Variants in ZFAT observed in about 807,000 individuals in gnomAD.
ZFAT encodes the protein zinc finger protein ZFAT.
In ZFAT, 64 loss-of-function variants were observed where a neutral mutation model predicts 117.7. The observed-to-expected ratio is 0.54, with a 90% CI of 0.44 to 0.67. The LOEUF is 0.67. ZFAT is among the 30% of genes least tolerant of loss of function. The probability of loss-of-function intolerance (pLI) is 0.00; values close to 1 mark genes in which losing one functional copy is unlikely to be tolerated. For missense variants in ZFAT, 1,433 were observed against 1,584.5 expected (o/e 0.90, Z 1.62); for synonymous variants, 679 against 615.0 (o/e 1.10, Z -1.54).
At chr8:134,552,284 A>G (rs1823224233) in intron 11 of ZFAT, among the ~76,000 whole-genome samples, 1 of 152,222 alleles carries the variant, frequency 6.6e-6, no homozygotes, top group Non-Finnish European at 1.5e-5. Flanking sequence ...TAAACATTTC[A>G]TATGCTTTGC....
At chr8:134,526,819 C>T (rs368839729) in intron 12 of ZFAT, among the ~76,000 whole-genome samples, 52 of 148,470 alleles carry the variant, frequency 3.5e-4, no homozygotes, top group Non-Finnish European at 4.9e-4. Context: ...GGTGAAGATG[C>T]TAAAGTTCAT....
At chr8:134,736,010 T>C in the ZFAT span, among the ~76,000 whole-genome samples, 2 of 151,992 alleles carry the variant, frequency 1.3e-5, no homozygotes, top group African/African-American at 2.4e-5. Flanking sequence ...GCAGGCAAGG[T>C]TAAGGCCCAG....
the ZFAT span, among the ~76,000 whole-genome samples, chr8:134,722,360 C>T: frequency 3.9e-5 from 6 of 152,298 alleles, no homozygotes; most frequent in East Asian, 3.9e-4. Context: ...TTTGCCCTAT[C>T]GCATTCAAGG....
chr8:134,681,962 A>G (rs929595520), intron 1 of ZFAT, among the ~76,000 whole-genome samples: 1 of 152,246 alleles, frequency 6.6e-6, no homozygotes, highest in Non-Finnish European at 1.5e-5. Context: ...GGTTAGAACA[A>G]ACATTTTCCT....
intron 14 of ZFAT, chr8:134,510,245 A>G (rs907615050): frequency 2.3e-6 from 1 of 433,966 alleles, no homozygotes; most frequent in Non-Finnish European, 4.7e-6. Context: ...CTCCAAACCA[A>G]TTGAAGCTGG....
intron 2 of ZFAT, among the ~76,000 whole-genome samples, chr8:134,645,119 C>G (rs1232554717): frequency 6.6e-6 from 1 of 152,210 alleles, no homozygotes; most frequent in Non-Finnish European, 1.5e-5. Context: ...CTGCAGACCA[C>G]TTCCTACATG....
At position 134,712,829 on chromosome 8, in the gene ZFAT, C is replaced by G. The variant is rs2131375858; in HGVS notation, c.19+16G>C. ...CACCCCCACCCCGTCTCACCCCAAC[C>G]CCCAGCCCGGCTCACCTGCCGCCCG... On this transcript the variant is annotated intron_variant, in intron 1 of 15. Transcript: ENST00000377838. 1 of 1,503,470 alleles carries G rather than the reference C, an allele frequency of 6.7e-7. No individual in the cohort carries two copies. Among genetic ancestry groups the G allele is most frequent in the African/African-American group, 1.5e-5 (1 of 68,912 alleles). 93.1% of individuals were successfully genotyped at this position (1,503,470 alleles called of 1,614,324 possible). A position where few individuals can be genotyped will look rare whatever the true frequency, so the allele number is the denominator to read the frequency against.
intron 11 of ZFAT, chr8:134,565,001 G>A: frequency 7.8e-7 from 1 of 1,280,064 alleles, no homozygotes; most frequent in Non-Finnish European, 1.0e-6. Context: ...AGCAATCCAG[G>A]ATCTGAAAGC....
At chr8:134,748,089 C>G in the ZFAT span, among the ~76,000 whole-genome samples, 1 of 152,278 alleles carries the variant, frequency 6.6e-6, no homozygotes, top group East Asian at 1.9e-4. Flanking sequence ...ATTACTTAGA[C>G]AAGTGCATAA....
chr8:134,683,419 C>T (rs1833162425), intron 1 of ZFAT, among the ~76,000 whole-genome samples: 1 of 152,170 alleles, frequency 6.6e-6, no homozygotes, highest in South Asian at 2.1e-4. Context: ...TACATATGAA[C>T]ATACTAACCA....
chr8:134,503,691 G>A (rs1256543865), intron 15 of ZFAT, among the ~76,000 whole-genome samples: 1 of 152,122 alleles, frequency 6.6e-6, no homozygotes, highest in Non-Finnish European at 1.5e-5. Flanking sequence ...CTCCCCTTTT[G>A]AAAAGGAGGG....
chr8:134,588,118 T>C (rs554550414), intron 9 of ZFAT, 128 bp downstream of exon 9: 1 of 1,139,324 alleles, frequency 8.8e-7, no homozygotes, highest in African/African-American at 1.6e-5. Flanking sequence ...TGGACACATC[T>C]CTCAGTGTGC....
At chr8:134,780,737 A>G in the ZFAT span, among the ~76,000 whole-genome samples, 1 of 152,232 alleles carries the variant, frequency 6.6e-6, no homozygotes, top group Admixed American at 6.5e-5. Flanking sequence ...CACCTGACAG[A>G]TAGTAGATGC....
At chr8:134,714,034 A>G (rs1814148182), upstream of ZFAT, among the ~76,000 whole-genome samples, 1 of 26,510 alleles carries the variant, frequency 3.8e-5, no homozygotes, top group Non-Finnish European at 8.3e-5. Context: ...GTAGTCATAT[A>G]AAGTTTTTAA....
At chr8:134,667,328 T>C (rs1728803574) in intron 1 of ZFAT, among the ~76,000 whole-genome samples, 1 of 151,796 alleles carries the variant, frequency 6.6e-6, no homozygotes, top group African/African-American at 2.4e-5. Context: ...CTGTCTCTAC[T>C]AAAAATGCAG....
At chr8:134,551,584 G>T (rs983191373) in intron 11 of ZFAT, among the ~76,000 whole-genome samples, 7 of 152,142 alleles carry the variant, frequency 4.6e-5, no homozygotes, top group Admixed American at 1.3e-4. Context: ...ATTCTGAGGG[G>T]GTGCTGAGAC....
rs537600558 is a variant in ZFAT at position 134,702,597 on chromosome 8, T to TTGCCTTC, written c.19+10241_19+10247dup. Among the ~76,000 whole-genome samples, 53 of 152,320 alleles carry TTGCCTTC rather than the reference T, an allele frequency of 3.5e-4. 1 individual carries two copies. In the East Asian group the frequency reaches 8.9e-3, roughly 25 times the overall value. On this transcript the variant is annotated intron_variant, in intron 1 of 15. Coordinates refer to ENST00000377838, the MANE Select transcript of ZFAT (RefSeq NM_020863.4). Reference sequence around the variant, plus strand: ...CCTACCCCCAAGTAAAAAGTGCCTTTTGCCTTCTGCCATGATTGTAAGGCC... The same window carrying TTGCCTTC: ...CCTACCCCCAAGTAAAAAGTGCCTTTTGCCTTCTGCCTTCTGCCATGATTGTAAGGCC...
At chr8:134,604,142 C>A (rs1827713649) in intron 5 of ZFAT, among the ~76,000 whole-genome samples, 1 of 152,148 alleles carries the variant, frequency 6.6e-6, no homozygotes, top group South Asian at 2.1e-4. Flanking sequence ...ATAATAACAG[C>A]TAATAATTAT....
chr8:134,717,456 A>G (rs1195449171), upstream of ZFAT, among the ~76,000 whole-genome samples: 2 of 94,972 alleles, frequency 2.1e-5, no homozygotes, highest in African/African-American at 6.8e-5. Flanking sequence ...TGGTCAAGTC[A>G]ATAACAACTC....
Sources: allele counts gnomAD v4.1 joint callset (sites outside exome capture counted in the v4.1 genomes callset), GRCh38; gene constraint gnomAD v4.1.1; transcripts MANE v1.5; gene names NCBI Gene and HGNC (gene_info 2026-07-23, HGNC 2026-07-21).